PROKR2: variants seen among roughly 807,000 people sequenced by gnomAD.
The protein encoded by PROKR2 is G protein-coupled receptor 73-like 1.
In PROKR2, 26 loss-of-function variants were observed where a neutral mutation model predicts 23.4. That is an observed-to-expected ratio of 1.11 (90% CI 0.81 to 1.54). The LOEUF is 1.54. Ranked by LOEUF, PROKR2 falls within the 40% of genes most tolerant of loss-of-function variation. PROKR2 has a pLI of 0.00. For synonymous variants in PROKR2, 212 were observed against 201.2 expected, an observed-to-expected ratio of 1.05 and a Z score of -0.45; for missense variants, 453 against 511.5, an observed-to-expected ratio of 0.89 and a Z score of 1.10.
chr20:5,311,675 A>C (rs1475860810), intron 2 of PROKR2, among the ~76,000 whole-genome samples: 2 of 152,254 alleles, frequency 1.3e-5, no homozygotes, highest in African/African-American at 4.8e-5. Flanking sequence ...TGGGAAAGGC[A>C]GACCTGCCCT....
At chr20:5,312,387 G>A (rs966840300) in intron 2 of PROKR2, among the ~76,000 whole-genome samples, 3 of 152,206 alleles carry the variant, frequency 2.0e-5, no homozygotes, top group South Asian at 2.1e-4. Flanking sequence ...GATTACAGAC[G>A]TGAGCCACCG....
At chr20:5,311,797 T>C (rs951807621) in intron 2 of PROKR2, among the ~76,000 whole-genome samples, 1 of 152,218 alleles carries the variant, frequency 6.6e-6, no homozygotes, top group African/African-American at 2.4e-5. Flanking sequence ...CTTTCTCCCA[T>C]GCTGGATGCT....
At chr20:5,311,796 A>C (rs1979454549) in intron 2 of PROKR2, among the ~76,000 whole-genome samples, 1 of 152,166 alleles carries the variant, frequency 6.6e-6, no homozygotes, top group South Asian at 2.1e-4. Context: ...TCTTTCTCCC[A>C]TGCTGGATGC....
chr20:5,302,648 G>A lies in PROKR2; in HGVS notation c.547C>T (p.Leu183Phe), dbSNP rs1222362721. ...AAGTAAGCCGATGGGATGGCAATGA[G>A]AATGGACACCATCCAGACCAAGGCG... is the stretch of plus-strand genomic sequence containing the variant. ...LIALVWMVSI[L>F]IAIPSAYFAT... The change falls in exon 3 of 3, where the codon CTC (leucine) becomes TTC (phenylalanine). Residue 183 changes from leucine to phenylalanine, a missense_variant. By Grantham distance (22) the Leu-to-Phe change is conservative (BLOSUM62 0). Coordinates refer to ENST00000678254, the MANE Select transcript of PROKR2 (RefSeq NM_144773.4). The A allele has an allele frequency of 1.9e-6, 3 of 1,614,196 alleles. No individual in the cohort carries two copies. The South Asian group carries it at 3.3e-5, about 18-fold the overall frequency.
intron 1 of PROKR2, among the ~76,000 whole-genome samples, chr20:5,315,213 C>G (rs895374618): frequency 2.7e-5 from 4 of 149,138 alleles, no homozygotes; most frequent in East Asian, 3.9e-4. Context: ...TGCTGCTCCC[C>G]GTTCTGTGGG....
At chr20:5,307,263 T>C (rs1979253622) in intron 2 of PROKR2, among the ~76,000 whole-genome samples, 1 of 152,198 alleles carries the variant, frequency 6.6e-6, no homozygotes, top group South Asian at 2.1e-4. Flanking sequence ...CAATGAGTAA[T>C]TTAATGGTAG....
At chr20:5,304,979 C>T (rs1357278115) in intron 2 of PROKR2, among the ~76,000 whole-genome samples, 1 of 152,116 alleles carries the variant, frequency 6.6e-6, no homozygotes, top group East Asian at 1.9e-4. Flanking sequence ...AAAGGAAATA[C>T]TCTATTTCCT....
rs1171039394 is a variant in PROKR2, at chr20:5,302,515, A to T, written c.680T>A (p.Ile227Asn). Residue 227 changes from isoleucine to asparagine, a missense_variant, in exon 3 of 3, where the codon ATC (isoleucine) becomes AAC (asparagine). Ile to Asn is a moderately radical substitution (Grantham distance 149, BLOSUM62 -3). Transcript: ENST00000678254. ...AGGGCCCACGAACTCGACACCAAAGATGAAGAGGAAGTAGGACTTGTAGTA... is the reference window on the plus strand; with the variant it reads ...AGGGCCCACGAACTCGACACCAAAGTTGAAGAGGAAGTAGGACTTGTAGTA... ...QLYYKSYFLF[I>N]FGVEFVGPVV... is the part of the protein sequence containing the mutation. 6.2e-7 allele frequency: 1 copy of T among 1,614,220 alleles called. No individual in the cohort carries two copies. Among genetic ancestry groups the T allele is most frequent in the East Asian group, 2.2e-5 (1 of 44,886 alleles).
At position 5,316,809 on chromosome 20, in the gene PROKR2, G is replaced by C. The variant is rs1400246791; in HGVS notation, c.-324C>G. Among the ~76,000 whole-genome samples the C allele has an allele frequency of 6.6e-6, 1 of 152,112 alleles. No individual in the cohort carries two copies. Among genetic ancestry groups the C allele is most frequent in the East Asian group, 1.9e-4 (1 of 5,168 alleles). ...GCCTGCCTCCTAGTCCAGGCCAAGG[G>C]TGGATGCCCAGCTCCCCCACCCCAC... On this transcript the variant is annotated 5_prime_UTR_variant, in exon 1 of 3. Coordinates refer to ENST00000678254, the MANE Select transcript of PROKR2 (RefSeq NM_144773.4). This position sits in a 1 kb window ranked among gnomAD's most constrained non-coding sequence, Gnocchi z 5.0.
At position 5,316,571 on chromosome 20, in the gene PROKR2, C is replaced by G. The variant is rs969753989; in HGVS notation, c.-86G>C. On this transcript the variant is annotated 5_prime_UTR_variant, in exon 1 of 3. Coordinates refer to ENST00000678254, the MANE Select transcript of PROKR2 (RefSeq NM_144773.4). The surrounding 1 kb of genome is among the most constrained non-coding windows in gnomAD (Gnocchi z 5.0). ...GAGTCACAGTGTGGTTGGGCGCAGG[C>G]GGGCCGCTCGGTTTTCACCTCGAGG... is the stretch of plus-strand genomic sequence containing the variant. The G allele has an allele frequency of 2.1e-5, 7 of 335,212 alleles. No homozygotes were observed. The highest frequency in any genetic ancestry group is 1.5e-4 in the African/African-American group (7 of 46,236). The allele number at this position is 335,212 out of a possible 1,614,324, so 20.8% of individuals were successfully genotyped here. A position where few individuals can be genotyped will look rare whatever the true frequency, so the allele number is the denominator to read the frequency against.
chr20:5,307,147 A>G (rs571411070), intron 2 of PROKR2, among the ~76,000 whole-genome samples: 11 of 152,218 alleles, frequency 7.2e-5, no homozygotes, highest in African/African-American at 9.6e-5. Flanking sequence ...GAGGACCCCA[A>G]CTGTCACAAG....
intron 2 of PROKR2, among the ~76,000 whole-genome samples, chr20:5,303,725 T>C (rs1225269324): frequency 6.6e-6 from 1 of 151,968 alleles, no homozygotes; most frequent in Non-Finnish European, 1.5e-5. Flanking sequence ...TGCTTTGGGA[T>C]ATGGTAGATG....
At chr20:5,315,621 C>T (rs758370883) in intron 1 of PROKR2, 1 of 347,906 alleles carries the variant, frequency 2.9e-6, no homozygotes, top group Non-Finnish European at 5.7e-6. Context: ...TCCACTCCTG[C>T]GAGGGGAGGA....
In PROKR2 at chr20:5,302,673, G is replaced by A. The variant is rs767395215; in HGVS notation, c.522C>T (p.Ile174=). The change falls in exon 3 of 3, where the codon ATC becomes ATT. Residue 174 remains isoleucine, a synonymous_variant. Coordinates refer to ENST00000678254, the MANE Select transcript of PROKR2 (RefSeq NM_144773.4). ...RMNYQTASFL[I]ALVWMVSILI... The stretch of plus-strand genomic sequence containing the variant: ...GAATGGACACCATCCAGACCAAGGC[G>A]ATCAGGAAGGAGGCCGTTTGATAAT... 1.2e-5 allele frequency: 19 copies of A among 1,614,194 alleles called. No individual in the cohort carries two copies. Among genetic ancestry groups the A allele is most frequent in the Admixed American group, 1.0e-4 (6 of 60,026 alleles).
chr20:5,307,439 C>T (rs1365690477), intron 2 of PROKR2, among the ~76,000 whole-genome samples: 7 of 152,068 alleles, frequency 4.6e-5, no homozygotes, highest in East Asian at 1.9e-4. Flanking sequence ...CAGTATTTAC[C>T]GTAATAAATC....
At position 5,301,971 on chromosome 20, in the gene PROKR2, G is replaced by T; in HGVS notation, c.*69C>A. 1.4e-6 allele frequency: 2 copies of T among 1,407,710 alleles called. No homozygotes were observed. Among genetic ancestry groups the T allele is most frequent in the African/African-American group, 1.4e-5 (1 of 70,978 alleles). The allele number at this position is 1,407,710 out of a possible 1,614,324, so 87.2% of individuals were successfully genotyped here. A position where few individuals can be genotyped will look rare whatever the true frequency, so the allele number is the denominator to read the frequency against. ...AGATGTCATTTCCCATGCAGCCTAT[G>T]AACTTGGTTGATGGTGGGTGATGCT... is the stretch of plus-strand genomic sequence containing the variant. On this transcript the variant is annotated 3_prime_UTR_variant, in exon 3 of 3. Transcript: ENST00000678254.
At position 5,302,960 on chromosome 20, in the gene PROKR2, G is replaced by A. The variant is rs536346301; in HGVS notation, c.459-224C>T. On this transcript the variant is annotated intron_variant, in intron 2 of 2. Transcript: ENST00000678254. Reference sequence around the variant, plus strand: ...GTCAAACAGGCTGAATAAATCCTGGGTTTTCCCTGGATTGGCTTTGGGGTC... The same window carrying A: ...GTCAAACAGGCTGAATAAATCCTGGATTTTCCCTGGATTGGCTTTGGGGTC... Among the ~76,000 whole-genome samples, 6 of 152,320 alleles carry A rather than the reference G, an allele frequency of 3.9e-5. No individual in the cohort carries two copies. The South Asian group carries it at 1.2e-3, about 32-fold the overall frequency.
In PROKR2 at chr20:5,299,540, T is replaced by C. The variant is rs1978915325; in HGVS notation, c.*2500A>G. On this transcript the variant is annotated 3_prime_UTR_variant, in exon 3 of 3. Transcript: ENST00000678254. Reference sequence around the variant, plus strand: ...GGCTTTGAAATGCATTATTACACAATGCATTTCAAAGCCAAGCAAGTAAGA... The same window carrying C: ...GGCTTTGAAATGCATTATTACACAACGCATTTCAAAGCCAAGCAAGTAAGA... 2.0e-5 allele frequency among the ~76,000 whole-genome samples: 3 copies of C among 151,424 alleles called. No individual in the cohort carries two copies. Among genetic ancestry groups the C allele is most frequent in the Non-Finnish European group, 4.4e-5 (3 of 67,868 alleles).
At chr20:5,303,316 T>C (rs2326620) in intron 2 of PROKR2, among the ~76,000 whole-genome samples, 79,531 of 151,966 alleles carry the variant, frequency 0.52, 20,840 homozygotes, top group African/African-American at 0.57. Context: ...TTGGCAAGAA[T>C]TTGCTTCCCC....
Sources: gnomAD v4.1 joint callset for allele counts (sites outside exome capture counted in the v4.1 genomes callset) on GRCh38, gnomAD v4.1.1 for gene constraint, Gnocchi (gnomAD v3.1) non-coding constraint, MANE v1.5 for transcripts, NCBI Gene and HGNC (gene_info 2026-07-23, HGNC 2026-07-21) for gene names.